The following PTPN12 variants were observed in gnomAD, a reference collection of about 807,000 sequenced individuals.
PTPN12 encodes protein tyrosine phosphatase non-receptor type 12, also known as tyrosine-protein phosphatase non-receptor type 12.
In PTPN12, 29 loss-of-function variants were observed where a neutral mutation model predicts 97.6. That is an observed-to-expected ratio of 0.30 (90% CI 0.22 to 0.41). The LOEUF is 0.41. Among genes scored for constraint, PTPN12 ranks in the 10% least tolerant of loss-of-function variants. The pLI is 1.00. For missense variants in PTPN12, 819 were observed against 926.0 expected (o/e 0.88, Z 1.50); for synonymous variants, 327 against 300.4 (o/e 1.09, Z -0.91).
intron 8 of PTPN12, among the ~76,000 whole-genome samples, chr7:77,603,071 A>C (rs1756805886): frequency 6.6e-6 from 1 of 152,224 alleles, no homozygotes; most frequent in African/African-American, 2.4e-5. Flanking sequence ...TTGCTGGTGG[A>C]GATGTGGGAA....
Position 77,581,493 on chromosome 7 carries a change from A to G in PTPN12, c.275A>G (p.Asn92Ser), listed in dbSNP as rs1332968272. 6.3e-7 allele frequency: 1 copy of G among 1,581,760 alleles called. No homozygotes were observed. The highest frequency in any genetic ancestry group is 1.7e-4 in the Middle Eastern group (1 of 5,992). Residue 92 changes from asparagine (N) to serine (S), a missense_variant, in exon 3 of 18, where the codon AAT becomes AGT. Coordinates refer to ENST00000248594, the MANE Select transcript of PTPN12 (RefSeq NM_002835.4). ...PSQDSDYINA[N>S]FIKGVYGPKA... is the part of the protein sequence containing the mutation. The stretch of plus-strand genomic sequence containing the variant: ...CAAGATTCAGACTATATCAATGCAA[A>G]TTTTATAAAGGTATGTACTAACTTT...
intron 1 of PTPN12, among the ~76,000 whole-genome samples, chr7:77,545,957 A>T (rs1057237047): frequency 6.6e-6 from 1 of 151,902 alleles, no homozygotes; most frequent in African/African-American, 2.4e-5. Flanking sequence ...TTTTGAGACA[A>T]AGTCTTGCTT....
At chr7:77,612,429 TTTTTG>T (rs1209723426) in intron 11 of PTPN12, among the ~76,000 whole-genome samples, 2 of 152,162 alleles carry the variant, frequency 1.3e-5, no homozygotes, top group Admixed American at 6.5e-5. Context: ...ATCAAATGTG[TTTTTG>T]TTTTGTTTTA....
At chr7:77,566,752 G>A (rs185864239) in intron 1 of PTPN12, among the ~76,000 whole-genome samples, 1 of 152,030 alleles carries the variant, frequency 6.6e-6, no homozygotes, top group Non-Finnish European at 1.5e-5. Flanking sequence ...AGACTTAATT[G>A]CAAATGCTTT....
At chr7:77,567,875 A>G (rs967533623) in intron 1 of PTPN12, among the ~76,000 whole-genome samples, 3 of 152,222 alleles carry the variant, frequency 2.0e-5, no homozygotes, top group Non-Finnish European at 4.4e-5. Flanking sequence ...TTATTATCTC[A>G]GTTTTATAGA....
intron 5 of PTPN12, among the ~76,000 whole-genome samples, chr7:77,586,009 A>G (rs1787678318): frequency 6.6e-6 from 1 of 152,044 alleles, no homozygotes; most frequent in Non-Finnish European, 1.5e-5. Context: ...GCTGGAGTGC[A>G]GTGGTACAAT....
chr7:77,611,969 G>A (rs1788583823), intron 11 of PTPN12, among the ~76,000 whole-genome samples: 1 of 149,482 alleles, frequency 6.7e-6, no homozygotes, highest in African/African-American at 2.4e-5. Context: ...CCTTGTCCCT[G>A]AAGGTGCTGA....
intron 9 of PTPN12, among the ~76,000 whole-genome samples, chr7:77,609,891 C>A (rs117645169): frequency 0.013 from 1,724 of 135,370 alleles, 12 homozygotes; most frequent in Middle Eastern, 0.042. Context: ...AAAAAAAAAA[C>A]AACAAAAAAA....
chr7:77,582,287 G>A (rs1354468944), intron 3 of PTPN12, among the ~76,000 whole-genome samples: 2 of 151,518 alleles, frequency 1.3e-5, no homozygotes, highest in South Asian at 2.1e-4. Context: ...GAGCCACTGC[G>A]CCCAGCGTCA....
At chr7:77,617,309 C>T (rs760911400) in intron 11 of PTPN12, among the ~76,000 whole-genome samples, 1 of 152,132 alleles carries the variant, frequency 6.6e-6, no homozygotes, top group Non-Finnish European at 1.5e-5. Flanking sequence ...CCAAATGCCT[C>T]GATTTTGGTG....
intron 12 of PTPN12, among the ~76,000 whole-genome samples, chr7:77,626,493 A>T (rs951735889): frequency 2.0e-5 from 3 of 152,224 alleles, no homozygotes; most frequent in African/African-American, 7.2e-5. Flanking sequence ...GGCAGAGACT[A>T]TGTTTTTCAT....
chr7:77,573,348 G>A (rs1787225471), intron 2 of PTPN12, among the ~76,000 whole-genome samples: 1 of 152,166 alleles, frequency 6.6e-6, no homozygotes, highest in Non-Finnish European at 1.5e-5. Context: ...GGCACCAGCA[G>A]ATATGCTGTC....
chr7:77,639,819 G>T lies in PTPN12; in HGVS notation c.*539G>T, dbSNP rs569881364. 2.0e-5 allele frequency: 3 copies of T among 152,578 alleles called. No individual in the cohort carries two copies. Among genetic ancestry groups the T allele is most frequent in the Admixed American group, 6.6e-5 (1 of 15,262 alleles). The allele number at this position is 152,578 out of a possible 1,614,324, so 9.5% of individuals were successfully genotyped here. On this transcript the variant is annotated 3_prime_UTR_variant, in exon 18 of 18. Transcript: ENST00000248594. ...TGCAGGTTATCAGAGATCAAAGATTGTAATAATAATTTTGTAAATTGTAAG... is the reference window on the plus strand; with the variant it reads ...TGCAGGTTATCAGAGATCAAAGATTTTAATAATAATTTTGTAAATTGTAAG...
Position 77,587,178 on chromosome 7 carries a change from C to A in PTPN12, c.420+1597C>A, listed in dbSNP as rs530073505. 3.4e-3 allele frequency among the ~76,000 whole-genome samples: 517 copies of A among 152,212 alleles called. 2 individuals are homozygous for A. Among genetic ancestry groups the A allele is most frequent in the Non-Finnish European group, 5.7e-3 (385 of 68,020 alleles). ...TTCAGTTCACTTTCCCTAGACCCAT[C>A]AGAGTAATCATGATTTATGGCAGCT... On this transcript the variant is annotated intron_variant, in intron 5 of 17. Transcript: ENST00000248594.
chr7:77,551,956 G>A lies in PTPN12; in HGVS notation c.99+14311G>A, dbSNP rs932246818. 8.5e-5 allele frequency among the ~76,000 whole-genome samples: 13 copies of A among 152,280 alleles called. No individual in the cohort carries two copies. In the South Asian group the frequency reaches 2.1e-3, roughly 24 times the overall value. ...GAAGACCCCTTGTATGAATGCCAAG[G>A]AGAAACATAGGGTGGGTGGTTATTA... On this transcript the variant is annotated intron_variant, in intron 1 of 17. Coordinates refer to ENST00000248594, the MANE Select transcript of PTPN12 (RefSeq NM_002835.4).
intron 14 of PTPN12, among the ~76,000 whole-genome samples, chr7:77,633,068 C>A (rs1017734021): frequency 1.3e-5 from 2 of 152,098 alleles, no homozygotes; most frequent in African/African-American, 4.8e-5. Flanking sequence ...GTCAGGAGTT[C>A]AAGACCAGCG....
intron 1 of PTPN12, among the ~76,000 whole-genome samples, chr7:77,557,363 T>G (rs1807768759): frequency 6.6e-6 from 1 of 152,120 alleles, no homozygotes; most frequent in Non-Finnish European, 1.5e-5. Flanking sequence ...GCTGTGTGAG[T>G]GTTTCTGCTC....
At chr7:77,616,237 T>C (rs1788746019) in intron 11 of PTPN12, among the ~76,000 whole-genome samples, 1 of 152,220 alleles carries the variant, frequency 6.6e-6, no homozygotes, top group Non-Finnish European at 1.5e-5. Flanking sequence ...TTTACCTTAA[T>C]ATTGTCAACT....
Position 77,626,956 on chromosome 7 carries a change from T to C in PTPN12, c.1277T>C (p.Ile426Thr), listed in dbSNP as rs1241821984. The change falls in exon 13 of 18, where the codon ATA (isoleucine) becomes ACA (threonine). Residue 426 changes from isoleucine to threonine, a missense_variant. Ile to Thr is a moderately conservative substitution (Grantham distance 89). This residue lies in a region of PTPN12 where 607 missense variants were observed against 577.3 expected (regional missense o/e 1.05). Coordinates refer to ENST00000248594, the MANE Select transcript of PTPN12 (RefSeq NM_002835.4). ...AAAAATGAATCAACAATTGAACAGA[T>C]AGATAAAAAATTGGAACGAAATTTA... ...PGKNESTIEQ[I>T]DKKLERNLSF... is the part of the protein sequence containing the mutation. 6 of 1,610,476 alleles carry C rather than the reference T, an allele frequency of 3.7e-6. No individual in the cohort carries two copies. The East Asian group carries it at 1.1e-4, about 30-fold the overall frequency.
Sources: allele counts gnomAD v4.1 joint callset (sites outside exome capture counted in the v4.1 genomes callset), GRCh38; gene constraint gnomAD v4.1.1; regional missense constraint gnomAD v4.1.1; transcripts MANE v1.5; gene names NCBI Gene and HGNC (gene_info 2026-07-23, HGNC 2026-07-21).